FANCI: variants seen among roughly 807,000 people sequenced by gnomAD.
The protein encoded by FANCI is Fanconi anemia group I protein.
FANCI carries 156 observed loss-of-function variants against 176.1 expected under a neutral mutation model. The ratio of observed to expected loss-of-function variants is 0.89; its 90% confidence interval spans 0.78 to 1.01. FANCI has a LOEUF of 1.01. Among genes scored for constraint, FANCI ranks in the 50% least tolerant of loss-of-function variants. The pLI is 0.00. For synonymous variants in FANCI, 613 were observed against 541.7 expected (o/e 1.13, Z -1.83); for missense variants, 1,678 against 1,534.1 (o/e 1.09, Z -1.57).
chr15:89,276,735 T>G lies in FANCI; in HGVS notation c.1137T>G (p.Thr379=). 2 of 1,614,186 alleles carry G rather than the reference T, an allele frequency of 1.2e-6. No homozygotes were observed. The highest frequency in any genetic ancestry group is 2.2e-5 in the South Asian group (2 of 91,090). Residue 379 remains threonine, a synonymous_variant, in exon 13 of 38, where the codon ACT becomes ACG. Transcript: ENST00000310775. ...KNSVHSWDHV[T]QGLVELGFIL... ...GCGTTCATAGCTGGGACCATGTTAC[T>G]CAGGGCCTCGTAGAACTTGGTTTCA...
chr15:89,316,787 T>G lies in FANCI; in HGVS notation c.*328T>G. ...GCTGGCTTCGTTTTTCCAAGGAGCC[T>G]TTGGTGAGTTCAATTATCTGGTAAA... On this transcript the variant is annotated 3_prime_UTR_variant, in exon 38 of 38. Transcript: ENST00000310775. 1 of 1,613,984 alleles carries G rather than the reference T, an allele frequency of 6.2e-7. No homozygotes were observed. The highest frequency in any genetic ancestry group is 8.5e-7 in the Non-Finnish European group (1 of 1,179,864).
At chr15:89,311,651 A>G (rs1325033259) in intron 34 of FANCI, among the ~76,000 whole-genome samples, 4 of 152,280 alleles carry the variant, frequency 2.6e-5, no homozygotes, top group Admixed American at 2.6e-4. Context: ...TTCCAGGGCC[A>G]AAAACAGATT....
At chr15:89,295,731 C>T (rs1414543583) in intron 24 of FANCI, among the ~76,000 whole-genome samples, 2 of 118,518 alleles carry the variant, frequency 1.7e-5, no homozygotes, top group South Asian at 2.8e-4. Flanking sequence ...CTTCCCCTGG[C>T]GCCCCCCCCA....
rs76046251 is a variant in FANCI at position 89,303,530 on chromosome 15, G to A, written c.3007-334G>A. Among the ~76,000 whole-genome samples the A allele has an allele frequency of 5.8e-3, 886 of 152,260 alleles. 2 individuals carry two copies. The highest frequency in any genetic ancestry group is 0.02 in the African/African-American group (832 of 41,522). On this transcript the variant is annotated intron_variant, in intron 27 of 37. Transcript: ENST00000310775. ...CTTTCTGATAACCTAATATCCTCAAGTGGAGAGTCTGGGGGCATGGGAAAG... is the reference window on the plus strand; with the variant it reads ...CTTTCTGATAACCTAATATCCTCAAATGGAGAGTCTGGGGGCATGGGAAAG...
chr15:89,263,609 T>G, intron 7 of FANCI, 149 bp downstream of exon 7: 1 of 811,638 alleles, frequency 1.2e-6, no homozygotes, highest in Non-Finnish European at 2.0e-6. Context: ...ACAGATTCCC[T>G]CCTCACTCCT....
chr15:89,268,725 T>A (rs1190651969), intron 10 of FANCI, 200 bp downstream of exon 10: 4 of 593,376 alleles, frequency 6.7e-6, no homozygotes, highest in African/African-American at 5.6e-5. Context: ...GTCCTCACTT[T>A]AGCAGTATAC....
Position 89,260,715 on chromosome 15 carries a change from TC to T in FANCI, c.165del (p.Cys56AlafsTer30), listed in dbSNP as rs769592464. On this transcript the variant is annotated frameshift_variant, in exon 4 of 38. Coordinates refer to ENST00000310775, the MANE Select transcript of FANCI (RefSeq NM_001113378.2). LOFTEE classifies it high-confidence loss of function. ...GALLRAIFKGSPCSEEAGTLR... is the reference protein window; with the variant it reads ...GALLRAIFKGXPCSEEAGTLR... ...AACCCCCTGTTTAAAACAATAAGGT[TC>T]CCCCTGCTCTGAGGAAGCTGGAACA... 1.2e-6 allele frequency: 2 copies of T among 1,613,548 alleles called. No homozygotes were observed. The highest frequency in any genetic ancestry group is 2.7e-5 in the African/African-American group (2 of 74,900).
intron 1 of FANCI, chr15:89,245,911 C>G (rs1305436787): frequency 6.6e-6 from 1 of 152,330 alleles, no homozygotes; most frequent in Non-Finnish European, 1.5e-5. Flanking sequence ...TGCAGTAGTT[C>G]AGGTGAGAGA....
chr15:89,261,774 C>G (rs756487442), intron 5 of FANCI, 33 bp downstream of exon 5: 3 of 1,614,066 alleles, frequency 1.9e-6, no homozygotes, highest in Non-Finnish European at 2.5e-6. Flanking sequence ...GGCTTTTTCT[C>G]TATGCACATA....
chr15:89,276,537 G>T lies in FANCI; in HGVS notation c.1113-174G>T, dbSNP rs544779568. 2.0e-5 allele frequency among the ~76,000 whole-genome samples: 3 copies of T among 152,232 alleles called. No individual in the cohort carries two copies. In the South Asian group the frequency reaches 6.2e-4, roughly 32 times the overall value. On this transcript the variant is annotated intron_variant, in intron 12 of 37. Coordinates refer to ENST00000310775, the MANE Select transcript of FANCI (RefSeq NM_001113378.2). ...CCACTTGCCTGCTGTTCCCATTATG[G>T]TACATTTAGGAATTCAGAATTCTGT...
At chr15:89,293,174 G>C (rs564493278) in intron 22 of FANCI, 111 bp downstream of exon 22, 2 of 1,198,280 alleles carry the variant, frequency 1.7e-6, no homozygotes, top group Non-Finnish European at 2.4e-6. Context: ...CGATGACACT[G>C]TCTCTTAAAT....
chr15:89,257,171 G>A (rs1022372040), intron 2 of FANCI, among the ~76,000 whole-genome samples: 3 of 152,170 alleles, frequency 2.0e-5, no homozygotes, highest in African/African-American at 7.2e-5. Flanking sequence ...CTCCCAAAGT[G>A]CTGGGATTAC....
chr15:89,301,327 G>C lies in FANCI; in HGVS notation c.2891G>C (p.Arg964Thr). The change falls in exon 27 of 38, where the codon AGG becomes ACG. Residue 964 changes from arginine to threonine, a missense_variant and splice_region_variant. Transcript: ENST00000310775. ...RTAFQIRQFQ[R>T]SLLNLLSSQE... ...GCTGTGTGTGCCTTCCTTTCTCAGAGGTCCTTGTTGAATTTACTTAGCAGT... is the reference window on the plus strand; with the variant it reads ...GCTGTGTGTGCCTTCCTTTCTCAGACGTCCTTGTTGAATTTACTTAGCAGT... The C allele has an allele frequency of 1.9e-6, 3 of 1,608,368 alleles. No individual in the cohort carries two copies. The highest frequency in any genetic ancestry group is 2.6e-6 in the Non-Finnish European group (3 of 1,174,872).
intron 28 of FANCI, among the ~76,000 whole-genome samples, 178 bp downstream of exon 28, chr15:89,304,093 A>G (rs1443917255): frequency 6.6e-6 from 1 of 152,216 alleles, no homozygotes; most frequent in Admixed American, 6.5e-5. Context: ...TGGACCTTTC[A>G]TTCACTGGGG....
intron 2 of FANCI, among the ~76,000 whole-genome samples, chr15:89,254,755 T>C (rs2052421115): frequency 6.6e-6 from 1 of 152,166 alleles, no homozygotes; most frequent in African/African-American, 2.4e-5. Context: ...CAAGTTATAG[T>C]GAGCTATGAC....
chr15:89,301,536 T>C, intron 27 of FANCI, 94 bp downstream of exon 27: 1 of 891,956 alleles, frequency 1.1e-6, no homozygotes, highest in Non-Finnish European at 1.9e-6. Flanking sequence ...CCTCTTGAAA[T>C]TGAGCTTATT....
At chr15:89,311,066 G>A (rs2054935926) in intron 34 of FANCI, among the ~76,000 whole-genome samples, 1 of 151,704 alleles carries the variant, frequency 6.6e-6, no homozygotes, top group Non-Finnish European at 1.5e-5. Flanking sequence ...AACTAGCCCG[G>A]CCAACATGGT....
At chr15:89,259,087 A>C (rs1216580619) in intron 3 of FANCI, 1 of 360,634 alleles carries the variant, frequency 2.8e-6, no homozygotes, top group Non-Finnish European at 5.3e-6. Context: ...GCAATGTTTA[A>C]TACATAATCC....
intron 34 of FANCI, among the ~76,000 whole-genome samples, chr15:89,310,513 TTCCTCC>T (rs966736822): frequency 1.3e-5 from 2 of 152,216 alleles, no homozygotes; most frequent in African/African-American, 4.8e-5. Context: ...CCTAGGCATT[TTCCTCC>T]TCCTCCATCC....
Sources: gnomAD v4.1 joint callset for allele counts (sites outside exome capture counted in the v4.1 genomes callset) on GRCh38, gnomAD v4.1.1 for gene constraint, MANE v1.5 for transcripts, NCBI Gene and HGNC (gene_info 2026-07-23, HGNC 2026-07-21) for gene names.